EGLN1: variants seen among roughly 807,000 people sequenced by gnomAD.
EGLN1 encodes the protein egl-9 family hypoxia inducible factor 1.
In EGLN1, 17 loss-of-function variants were observed where a neutral mutation model predicts 38.3. The ratio of observed to expected loss-of-function variants is 0.44; its 90% CI spans 0.30 to 0.67. EGLN1 has a LOEUF of 0.67. Among genes scored for constraint, EGLN1 ranks in the 30% least tolerant of loss-of-function variants. EGLN1 has a pLI of 0.08. For missense variants in EGLN1, 477 were observed against 603.3 expected (o/e 0.79, Z 2.19); for synonymous variants, 283 against 257.5 (o/e 1.10, Z -0.95).
chr1:231,366,344 G>T lies in EGLN1; in HGVS notation c.*67C>A. 2 of 1,529,642 alleles carry T rather than the reference G, an allele frequency of 1.3e-6. No individual in the cohort carries two copies. The highest frequency in any genetic ancestry group is 1.8e-6 in the Non-Finnish European group (2 of 1,105,978). The allele number at this position is 1,529,642 out of a possible 1,614,324, so 94.8% of individuals were successfully genotyped here. ...CTATTTTTCTTTATCCCATTTATTC[G>T]TATTCACAAGTTAACAAATAGTTAA... is the stretch of plus-strand genomic sequence containing the variant. On this transcript the variant is annotated 3_prime_UTR_variant, in exon 5 of 5. Coordinates refer to ENST00000366641, the MANE Select transcript of EGLN1 (RefSeq NM_022051.3).
intron 1 of EGLN1, among the ~76,000 whole-genome samples, chr1:231,385,450 A>C (rs560743531): frequency 6.6e-6 from 1 of 152,344 alleles, no homozygotes; most frequent in South Asian, 2.1e-4. Flanking sequence ...AAAGAGTATG[A>C]ATTAGCCAGG....
At chr1:231,378,484 C>G (rs1228169503) in intron 1 of EGLN1, among the ~76,000 whole-genome samples, 3 of 152,082 alleles carry the variant, frequency 2.0e-5, no homozygotes, top group Non-Finnish European at 4.4e-5. Context: ...TTTTCAGAGA[C>G]AAGGTCTCAC....
chr1:231,411,516 A>G (rs1688941814), intron 1 of EGLN1, among the ~76,000 whole-genome samples: 1 of 152,236 alleles, frequency 6.6e-6, no homozygotes, highest in Admixed American at 6.5e-5. Context: ...TTAAGGTGTT[A>G]TTACATAAAA....
At chr1:231,401,317 T>G (rs1215017229) in intron 1 of EGLN1, among the ~76,000 whole-genome samples, 1 of 152,182 alleles carries the variant, frequency 6.6e-6, no homozygotes, top group Non-Finnish European at 1.5e-5. Flanking sequence ...GCACCTCATA[T>G]GGTTGCTATG....
Position 231,422,121 on chromosome 1 carries a change from G to A in EGLN1, c.-233C>T. Reference sequence around the variant, plus strand: ...CGCCTCAGCGCCTCATCGCCGCCGAGGGCTGAGAGAATAGGGCCTGTGCGG... The same window carrying A: ...CGCCTCAGCGCCTCATCGCCGCCGAAGGCTGAGAGAATAGGGCCTGTGCGG... On this transcript the variant is annotated 5_prime_UTR_variant, in exon 1 of 5. Transcript: ENST00000366641. 1 of 381,882 alleles carries A rather than the reference G, an allele frequency of 2.6e-6. No individual in the cohort carries two copies. The highest frequency in any genetic ancestry group is 4.6e-6 in the Non-Finnish European group (1 of 217,878). 23.7% of individuals were successfully genotyped at this position (381,882 alleles called of 1,614,324 possible).
Position 231,421,555 on chromosome 1 carries a change from C to T in EGLN1, c.334G>A (p.Val112Ile). Residue 112 changes from valine to isoleucine, a missense_variant, in exon 1 of 5, where the codon GTA (valine) becomes ATA (isoleucine). Physicochemically the swap from Val to Ile is conservative, Grantham distance 29 (BLOSUM62 3). Coordinates refer to ENST00000366641, the MANE Select transcript of EGLN1 (RefSeq NM_022051.3). This position sits in a 1 kb window ranked among gnomAD's most constrained non-coding sequence, Gnocchi z 5.5. Reference protein sequence around the residue: ...NASGDAAKGKVKAKPPADPAA... With the variant: ...NASGDAAKGKIKAKPPADPAA... ...GGGTCGGCCGGGGGCTTGGCCTTTACTTTTCCCTTGGCCGCGTCCCCGGAG... is the reference window on the plus strand; with the variant it reads ...GGGTCGGCCGGGGGCTTGGCCTTTATTTTTCCCTTGGCCGCGTCCCCGGAG... The T allele has an allele frequency of 3.3e-5, 43 of 1,309,610 alleles. No homozygotes were observed. The highest frequency in any genetic ancestry group is 3.9e-5 in the Non-Finnish European group (40 of 1,034,340). 81.1% of individuals were successfully genotyped at this position (1,309,610 alleles called of 1,614,324 possible). A position where few individuals can be genotyped will look rare whatever the true frequency, so the allele number is the denominator to read the frequency against.
intron 1 of EGLN1, among the ~76,000 whole-genome samples, chr1:231,384,707 C>G (rs761529831): frequency 1.3e-5 from 2 of 152,062 alleles, no homozygotes; most frequent in African/African-American, 2.4e-5. Context: ...ATTAAGTCAC[C>G]GGAAGGCACT....
intron 1 of EGLN1, among the ~76,000 whole-genome samples, chr1:231,383,002 G>A: frequency 6.9e-6 from 1 of 144,668 alleles, no homozygotes; most frequent in Non-Finnish European, 1.5e-5. Flanking sequence ...AGGGTGCAGT[G>A]AGCCGACATC....
At chr1:231,388,334 A>G (rs1488218622) in intron 1 of EGLN1, among the ~76,000 whole-genome samples, 1 of 152,190 alleles carries the variant, frequency 6.6e-6, no homozygotes, top group Non-Finnish European at 1.5e-5. Context: ...ATATTCTCAC[A>G]TATGTGGTTG....
chr1:231,385,045 C>T (rs1443134247), intron 1 of EGLN1, among the ~76,000 whole-genome samples: 1 of 152,140 alleles, frequency 6.6e-6, no homozygotes, highest in Non-Finnish European at 1.5e-5. Flanking sequence ...ACTTGGACCA[C>T]AGTGGTAGCA....
Position 231,421,524 on chromosome 1 carries a change from G to C in EGLN1, c.365C>G (p.Ala122Gly). The C allele has an allele frequency of 2.3e-6, 3 of 1,295,098 alleles. No homozygotes were observed. Among genetic ancestry groups the C allele is most frequent in the Non-Finnish European group, 2.9e-6 (3 of 1,021,920 alleles). The allele number at this position is 1,295,098 out of a possible 1,614,324, so 80.2% of individuals were successfully genotyped here. The stretch of plus-strand genomic sequence containing the variant: ...GGCCGCACGACACGGCGACGCGGCC[G>C]CCGCTGGGTCGGCCGGGGGCTTGGC... ...VKAKPPADPA[A>G]AASPCRAAAG... Residue 122 changes from alanine to glycine, a missense_variant, in exon 1 of 5, where the codon GCG (alanine) becomes GGG (glycine). Ala to Gly is a moderately conservative substitution (Grantham distance 60). Coordinates refer to ENST00000366641, the MANE Select transcript of EGLN1 (RefSeq NM_022051.3). The surrounding 1 kb of genome is among the most constrained non-coding windows in gnomAD (Gnocchi z 5.5).
intron 1 of EGLN1, among the ~76,000 whole-genome samples, chr1:231,417,169 G>A (rs1369539989): frequency 2.0e-5 from 3 of 152,138 alleles, no homozygotes; most frequent in Admixed American, 1.3e-4. Context: ...TAAAACAGCT[G>A]CATTTTCCTC....
At chr1:231,392,931 G>A (rs1360343787) in intron 1 of EGLN1, among the ~76,000 whole-genome samples, 1 of 152,180 alleles carries the variant, frequency 6.6e-6, no homozygotes. Flanking sequence ...CCCTAGGTGA[G>A]GTTCACTCTC....
rs537828645 is a variant in EGLN1, at chr1:231,386,632, C to T, written c.892-12533G>A. Among the ~76,000 whole-genome samples the T allele has an allele frequency of 8.5e-5, 13 of 152,214 alleles. No individual in the cohort carries two copies. In the South Asian group the frequency reaches 1.0e-3, roughly 12 times the overall value. On this transcript the variant is annotated intron_variant, in intron 1 of 4. Transcript: ENST00000366641. ...TCCCCAACCAGACTGTAGACTCCAA[C>T]AGAGGATGAACCAGCTCTTATTTAT... is the stretch of plus-strand genomic sequence containing the variant.
intron 1 of EGLN1, among the ~76,000 whole-genome samples, chr1:231,398,303 C>T (rs1050077033): frequency 1.1e-4 from 16 of 151,720 alleles, no homozygotes; most frequent in African/African-American, 3.6e-4. Flanking sequence ...CAAACTATGG[C>T]CTGTGGGCCA....
chr1:231,391,985 A>G (rs1278720021), intron 1 of EGLN1, among the ~76,000 whole-genome samples: 2 of 152,222 alleles, frequency 1.3e-5, no homozygotes, highest in African/African-American at 4.8e-5. Context: ...AGCCACTTAT[A>G]AGATTAAAAT....
chr1:231,394,753 CA>C (rs1688478264), intron 1 of EGLN1, among the ~76,000 whole-genome samples: 1 of 151,990 alleles, frequency 6.6e-6, no homozygotes, highest in Non-Finnish European at 1.5e-5. Flanking sequence ...ATAATTAAGG[CA>C]AACAAGCAAA....
In EGLN1 at chr1:231,421,485, C is replaced by T. The variant is rs1176313181; in HGVS notation, c.404G>A (p.Gly135Asp). The change falls in exon 1 of 5, where the codon GGC becomes GAC. Residue 135 changes from glycine to aspartate, a missense_variant. Around this residue, in one of 4 missense-constraint regions of EGLN1, gnomAD observed 298 missense variants for 288.9 expected, o/e 1.03. Transcript: ENST00000366641. The surrounding 1 kb of genome is among the most constrained non-coding windows in gnomAD (Gnocchi z 5.5). ...SPCRAAAGGQGSAVAAEAEPG... is the reference protein window; with the variant it reads ...SPCRAAAGGQDSAVAAEAEPG... ...CTCGGCTTCGGCAGCCACCGCCGAG[C>T]CCTGGCCGCCGGCGGCCGCACGACA... 2.2e-6 allele frequency: 3 copies of T among 1,358,980 alleles called. No individual in the cohort carries two copies. The highest frequency in any genetic ancestry group is 6.0e-5 in the East Asian group (2 of 33,468). 84.2% of individuals were successfully genotyped at this position (1,358,980 alleles called of 1,614,324 possible).
intron 2 of EGLN1, 71 bp from the exon 3 acceptor site, chr1:231,370,769 A>C: frequency 6.5e-7 from 1 of 1,533,354 alleles, no homozygotes; most frequent in Non-Finnish European, 9.0e-7. Flanking sequence ...GGGGGAAAAA[A>C]AGAGACAATT....
Sources: gnomAD v4.1 joint callset for allele counts (sites outside exome capture counted in the v4.1 genomes callset) on GRCh38, gnomAD v4.1.1 for gene constraint, gnomAD v4.1.1 regional missense constraint, Gnocchi (gnomAD v3.1) non-coding constraint, MANE v1.5 for transcripts, NCBI Gene and HGNC (gene_info 2026-07-23, HGNC 2026-07-21) for gene names.